TLN2: variants seen among roughly 807,000 people sequenced by gnomAD.
TLN2 encodes talin-2.
A neutral mutation model predicts 294.7 loss-of-function variants in TLN2; 118 were observed. The ratio of observed to expected loss-of-function variants is 0.40; its 90% confidence interval spans 0.34 to 0.47. The LOEUF is 0.47. TLN2 is among the 20% of genes least tolerant of loss of function. TLN2 has a pLI of 0.84. For synonymous variants in TLN2, 1,431 were observed against 1,304.5 expected (o/e 1.10, Z -2.09); for missense variants, 3,083 against 3,282.2 (o/e 0.94, Z 1.48).
At chr15:62,640,095 G>A (rs1244413876) in intron 3 of TLN2, 6 of 451,438 alleles carry the variant, frequency 1.3e-5, no homozygotes, top group Non-Finnish European at 2.7e-5. Context: ...TGGAGGGCAA[G>A]ACCCTGGCTT....
Position 62,711,923 on chromosome 15 carries a change from G to T in TLN2, c.2480G>T (p.Arg827Leu). 2 of 1,606,884 alleles carry T rather than the reference G, an allele frequency of 1.2e-6. No homozygotes were observed. The highest frequency in any genetic ancestry group is 1.7e-6 in the Non-Finnish European group (2 of 1,174,282). The change falls in exon 22 of 59, where the codon CGC becomes CTC. Residue 827 changes from arginine to leucine, a missense_variant. Physicochemically the swap from Arg to Leu is moderately radical, Grantham distance 102. Transcript: ENST00000636159. ...SSMGDAGEMVRQARVLAQATS... is the reference protein window; with the variant it reads ...SSMGDAGEMVLQARVLAQATS... ...TTCTGTCTTCTAGGTGAAATGGTGC[G>T]CCAGGCGCGGGTTCTGGCCCAAGCC... is the stretch of plus-strand genomic sequence containing the variant.
In TLN2 at chr15:62,800,372, T is replaced by C. The variant is rs2065850282; in HGVS notation, c.6239T>C (p.Val2080Ala). The C allele has an allele frequency of 1.2e-6, 2 of 1,613,728 alleles. No individual in the cohort carries two copies. Among genetic ancestry groups the C allele is most frequent in the Admixed American group, 3.3e-5 (2 of 59,978 alleles). Residue 2080 changes from valine (V) to alanine (A), a missense_variant, in exon 49 of 59, where the codon GTT (valine) becomes GCT (alanine). Val to Ala is a moderately conservative substitution (Grantham distance 64, BLOSUM62 0). Transcript: ENST00000636159. Reference sequence around the variant, plus strand: ...GAGTTCTGTGCTCTCTTTCAGGTGGTTTTGATCAATGCCATCAAAGATGTG... The same window carrying C: ...GAGTTCTGTGCTCTCTTTCAGGTGGCTTTGATCAATGCCATCAAAGATGTG... ...LGSDDPETQV[V>A]LINAIKDVAK...
chr15:62,789,960 A>G (rs957030461), intron 45 of TLN2, among the ~76,000 whole-genome samples: 8 of 151,920 alleles, frequency 5.3e-5, no homozygotes, highest in African/African-American at 1.9e-4. Context: ...CCAAATGGGA[A>G]CCCCTTGGGG....
rs757771992 is a variant in TLN2 at position 62,766,364 on chromosome 15, A to C, written c.5138A>C (p.His1713Pro). 6.2e-7 allele frequency: 1 copy of C among 1,613,294 alleles called. No individual in the cohort carries two copies. Among genetic ancestry groups the C allele is most frequent in the Non-Finnish European group, 8.5e-7 (1 of 1,179,380 alleles). Reference sequence around the variant, plus strand: ...ACTTCGGTGGTCCAGGAAATCGGACACCTTATCGATCCCATCGCCACAGCG... The same window carrying C: ...ACTTCGGTGGTCCAGGAAATCGGACCCCTTATCGATCCCATCGCCACAGCG... ...QLTSVVQEIG[H>P]LIDPIATAAR... is the part of the protein sequence containing the mutation. The change falls in exon 41 of 59, where the codon CAC becomes CCC. Residue 1713 changes from histidine (H) to proline (P), a missense_variant. His to Pro is a moderately conservative substitution (Grantham distance 77). Transcript: ENST00000636159.
At chr15:62,541,761 A>G (rs2041703422) in intron 1 of TLN2, among the ~76,000 whole-genome samples, 1 of 152,208 alleles carries the variant, frequency 6.6e-6, no homozygotes, top group South Asian at 2.1e-4. Context: ...ATAGGTGTGT[A>G]TATATACAAC....
chr15:62,796,256 C>T lies in TLN2; in HGVS notation c.6013C>T (p.Leu2005=), dbSNP rs778033393. ...CATTATGTTTGCAACAGCGGGGACG[C>T]TGAATGCAGAGAACAGTGAGACCTT... is the stretch of plus-strand genomic sequence containing the variant. ...TTIMFATAGT[L]NAENSETFAD... The change falls in exon 47 of 59, where the codon CTG becomes TTG. Residue 2005 remains leucine, a synonymous_variant. Coordinates refer to ENST00000636159, the MANE Select transcript of TLN2 (RefSeq NM_015059.3). 3 of 1,614,088 alleles carry T rather than the reference C, an allele frequency of 1.9e-6. No homozygotes were observed. The highest frequency in any genetic ancestry group is 8.5e-7 in the Non-Finnish European group (1 of 1,180,040).
In TLN2 at chr15:62,740,642, C is replaced by T; in HGVS notation, c.3898C>T (p.Gln1300Ter). The T allele has an allele frequency of 6.2e-7, 1 of 1,614,138 alleles. No homozygotes were observed. Reference protein sequence around the residue: ...MAGQAQTKEDQIQVIGNLKNI... With the variant: ...MAGQAQTKED ...TTTGACCTTCCAGACAAAAGAAGACCAGATCCAAGTGATAGGGAACCTCAA... is the reference window on the plus strand; with the variant it reads ...TTTGACCTTCCAGACAAAAGAAGACTAGATCCAAGTGATAGGGAACCTCAA... Residue 1300 changes from glutamine to a stop codon, truncating the protein, a stop_gained, in exon 32 of 59, where the codon CAG becomes TAG. Transcript: ENST00000636159. LOFTEE classifies it high-confidence loss of function.
chr15:62,721,115 C>T (rs988519452), intron 25 of TLN2, among the ~76,000 whole-genome samples: 2 of 152,010 alleles, frequency 1.3e-5, no homozygotes, highest in Non-Finnish European at 2.9e-5. Context: ...TTCTTTTGTT[C>T]TTTTAACTTT....
At chr15:62,518,592 A>G (rs367630592) in intron 1 of TLN2, among the ~76,000 whole-genome samples, 12 of 151,952 alleles carry the variant, frequency 7.9e-5, no homozygotes, top group East Asian at 1.9e-4. Flanking sequence ...GTGACCTGCA[A>G]TGTTTTTTTT....
chr15:62,737,152 G>A (rs1399781480), intron 29 of TLN2, 66 bp downstream of exon 29: 3 of 1,553,872 alleles, frequency 1.9e-6, no homozygotes, highest in Non-Finnish European at 1.8e-6. Context: ...TGGTCGGGCT[G>A]TCTCCTGGGC....
At chr15:62,825,862 A>AT (rs2068136675) in intron 54 of TLN2, among the ~76,000 whole-genome samples, 18 of 94,378 alleles carry the variant, frequency 1.9e-4, no homozygotes, top group African/African-American at 8.6e-4. Flanking sequence ...TTATATATAT[A>AT]TATATTTATA....
At chr15:62,419,223 TTGAG>T (rs1343755295) in intron 1 of TLN2, among the ~76,000 whole-genome samples, 1 of 152,248 alleles carries the variant, frequency 6.6e-6, no homozygotes, top group Non-Finnish European at 1.5e-5. Context: ...TTTAGATATA[TTGAG>T]TTAAATAAAA....
intron 3 of TLN2, 71 bp from the exon 4 acceptor site, chr15:62,647,204 T>C: frequency 7.0e-7 from 1 of 1,421,842 alleles, no homozygotes; most frequent in Non-Finnish European, 9.5e-7. Context: ...GTCCAGCACT[T>C]TTTTTGTTTT....
intron 42 of TLN2, among the ~76,000 whole-genome samples, chr15:62,773,362 T>G (rs1420959596): frequency 2.0e-5 from 3 of 151,902 alleles, no homozygotes; most frequent in Non-Finnish European, 4.4e-5. Flanking sequence ...TCTACCAGTG[T>G]GAAGTAGTTT....
Position 62,805,595 on chromosome 15 carries a change from TC to T in TLN2, c.6478-3del, listed in dbSNP as rs1281344593. ...TTTTTTAACCTCTCTGTTTCTGACT[TC>T]CAGGTGTTCCAGTCAAAAGACGTAC... On this transcript the variant is annotated splice_polypyrimidine_tract_variant and splice_region_variant and intron_variant, in intron 50 of 58. Transcript: ENST00000636159. 1 of 1,589,992 alleles carries T rather than the reference TC, an allele frequency of 6.3e-7. No individual in the cohort carries two copies. The highest frequency in any genetic ancestry group is 1.3e-5 in the African/African-American group (1 of 74,228).
chr15:62,635,928 G>A (rs2050332885), intron 3 of TLN2, among the ~76,000 whole-genome samples: 1 of 152,076 alleles, frequency 6.6e-6, no homozygotes, highest in African/African-American at 2.4e-5. Flanking sequence ...TTAGGAGGCA[G>A]AACCCCCAGA....
At chr15:62,411,879 G>T (rs377653911) in intron 1 of TLN2, among the ~76,000 whole-genome samples, 1 of 152,272 alleles carries the variant, frequency 6.6e-6, no homozygotes, top group East Asian at 1.9e-4. Flanking sequence ...GGGGACCCAC[G>T]GGTTGTGTGG....
intron 13 of TLN2, among the ~76,000 whole-genome samples, chr15:62,693,874 A>G (rs1287641353): frequency 1.3e-5 from 2 of 151,520 alleles, no homozygotes; most frequent in African/African-American, 4.9e-5. Flanking sequence ...AAGAATTTTG[A>G]GTAAACTTCA....
At chr15:62,665,483 G>A (rs530166163) in intron 9 of TLN2, among the ~76,000 whole-genome samples, 1 of 152,312 alleles carries the variant, frequency 6.6e-6, no homozygotes, top group East Asian at 1.9e-4. Context: ...AGACAGAAAG[G>A]TTCCATGAGT....
Sources: gnomAD v4.1 joint callset for allele counts (sites outside exome capture counted in the v4.1 genomes callset) on GRCh38, gnomAD v4.1.1 for gene constraint, MANE v1.5 for transcripts, NCBI Gene and HGNC (gene_info 2026-07-23, HGNC 2026-07-21) for gene names.